Variants in BFSP2 observed in about 807,000 individuals in gnomAD.
BFSP2 encodes phakinin.
Under a neutral mutation model 44.9 loss-of-function variants are expected in BFSP2, and 38 were observed. The observed-to-expected ratio is 0.85, with a 90% confidence interval of 0.65 to 1.11. The LOEUF is 1.11. Among genes scored for constraint, BFSP2 ranks in the 50% least tolerant of loss-of-function variants. The pLI, the probability that BFSP2 is intolerant of heterozygous loss-of-function variation, is 0.00. For synonymous variants in BFSP2, 197 were observed against 209.9 expected, an observed-to-expected ratio of 0.94 and a Z score of 0.53; for missense variants, 525 against 533.0, an observed-to-expected ratio of 0.99 and a Z score of 0.15.
chr3:133,460,006 G>A (rs1387657406), intron 4 of BFSP2, among the ~76,000 whole-genome samples: 2 of 152,172 alleles, frequency 1.3e-5, no homozygotes, highest in Non-Finnish European at 2.9e-5. Context: ...AAGGGGCAGA[G>A]GGGTGAGTAA....
chr3:133,431,481 C>T (rs1439288929), intron 1 of BFSP2, among the ~76,000 whole-genome samples: 3 of 152,114 alleles, frequency 2.0e-5, no homozygotes, highest in Non-Finnish European at 2.9e-5. Context: ...CCCATCTGTG[C>T]GGGACCCCAC....
intron 1 of BFSP2, among the ~76,000 whole-genome samples, chr3:133,429,997 C>T (rs1043405384): frequency 2.0e-5 from 3 of 150,440 alleles, no homozygotes; most frequent in Non-Finnish European, 4.4e-5. Flanking sequence ...TGAGTGAGAA[C>T]ATGCGGTGTT....
intron 4 of BFSP2, among the ~76,000 whole-genome samples, chr3:133,464,330 C>A (rs1288348253): frequency 2.0e-5 from 3 of 152,214 alleles, no homozygotes; most frequent in African/African-American, 7.2e-5. Context: ...CTGGAATCCT[C>A]TTTCTGTCTC....
intron 1 of BFSP2, among the ~76,000 whole-genome samples, chr3:133,416,471 A>G (rs1248092964): frequency 8.9e-6 from 1 of 112,914 alleles, no homozygotes; most frequent in Non-Finnish European, 1.8e-5. Flanking sequence ...TCTCCCATCT[A>G]CTCACCACTC....
At chr3:133,473,515 T>C (rs1282463577) in intron 6 of BFSP2, among the ~76,000 whole-genome samples, 1 of 150,700 alleles carries the variant, frequency 6.6e-6, no homozygotes, top group Non-Finnish European at 1.5e-5. Flanking sequence ...GAGGGGGATT[T>C]GGCAGGGTCA....
intron 6 of BFSP2, among the ~76,000 whole-genome samples, chr3:133,474,236 A>G (rs978012677): frequency 8.5e-5 from 13 of 152,282 alleles, no homozygotes; most frequent in African/African-American, 3.1e-4. Flanking sequence ...TGTCTGACAT[A>G]TGTTGAATAA....
chr3:133,471,660 T>C (rs756193651), intron 5 of BFSP2, among the ~76,000 whole-genome samples: 23 of 152,102 alleles, frequency 1.5e-4, no homozygotes, highest in Non-Finnish European at 2.8e-4. Flanking sequence ...ATCATGAGTA[T>C]GATGGAGACC....
rs148821449 is a variant in BFSP2, at chr3:133,419,323, T to C, written c.489+18751T>C. On this transcript the variant is annotated intron_variant, in intron 1 of 6. Transcript: ENST00000302334. Reference sequence around the variant, plus strand: ...AGGAAGGACACGATTCAGCCCGTAATACCCATTTTACAGATAAAGAAACTG... The same window carrying C: ...AGGAAGGACACGATTCAGCCCGTAACACCCATTTTACAGATAAAGAAACTG... 7.4e-4 allele frequency among the ~76,000 whole-genome samples: 112 copies of C among 152,324 alleles called. No individual in the cohort carries two copies. The East Asian group carries it at 0.011, about 14-fold the overall frequency.
Position 133,446,593 on chromosome 3 carries a change from T to C in BFSP2, c.490-724T>C, listed in dbSNP as rs2073901330. Among the ~76,000 whole-genome samples the C allele has an allele frequency of 3.4e-4, 8 of 23,650 alleles. 1 individual carries two copies. Among genetic ancestry groups the C allele is most frequent in the African/African-American group, 1.4e-3 (7 of 5,030 alleles). The allele number at this position is 23,650 out of a possible 152,430, so 15.5% of individuals were successfully genotyped here. A position where few individuals can be genotyped will look rare whatever the true frequency, so the allele number is the denominator to read the frequency against. On this transcript the variant is annotated intron_variant, in intron 1 of 6. Transcript: ENST00000302334. Reference sequence around the variant, plus strand: ...ATTTATATATATATATATATATATATATATATATATATATATATATATATA... The same window carrying C: ...ATTTATATATATATATATATATATACATATATATATATATATATATATATA...
chr3:133,451,014 G>T (rs2073959377), intron 4 of BFSP2, among the ~76,000 whole-genome samples: 1 of 151,646 alleles, frequency 6.6e-6, no homozygotes, highest in African/African-American at 2.4e-5. Context: ...GGGAGGCTGA[G>T]GCAGGAGAAT....
chr3:133,405,416 G>A (rs2073395955), intron 1 of BFSP2, among the ~76,000 whole-genome samples: 1 of 152,146 alleles, frequency 6.6e-6, no homozygotes, highest in Non-Finnish European at 1.5e-5. Context: ...CACAGAGACA[G>A]CCCATACTCA....
intron 3 of BFSP2, 25 bp from the exon 4 acceptor site, chr3:133,450,278 C>T: frequency 1.2e-6 from 2 of 1,613,796 alleles, no homozygotes; most frequent in Non-Finnish European, 1.7e-6. Flanking sequence ...CGTAACTCAT[C>T]TAAGATGTAT....
intron 1 of BFSP2, among the ~76,000 whole-genome samples, chr3:133,426,668 C>G (rs1174268239): frequency 1.3e-5 from 2 of 152,192 alleles, no homozygotes; most frequent in African/African-American, 4.8e-5. Context: ...TTTCCAAGAG[C>G]TCTTCACATT....
At chr3:133,450,557 C>T in intron 4 of BFSP2, 93 bp downstream of exon 4, 2 of 1,466,772 alleles carry the variant, frequency 1.4e-6, no homozygotes, top group Admixed American at 3.4e-5. Context: ...GAAGAAATAA[C>T]AACGGTTTAG....
intron 1 of BFSP2, among the ~76,000 whole-genome samples, chr3:133,431,492 T>C (rs1050888077): frequency 4.4e-4 from 67 of 152,098 alleles, no homozygotes; most frequent in African/African-American, 1.6e-3. Flanking sequence ...GGGACCCCAC[T>C]GGAAATCGGA....
rs964069257 is a variant in BFSP2, at chr3:133,439,966, T to G, written c.490-7351T>G. Among the ~76,000 whole-genome samples the G allele has an allele frequency of 1.5e-4, 23 of 151,014 alleles. 4 individuals carry two copies. Among genetic ancestry groups the G allele is most frequent in the Admixed American group, 1.5e-3 (22 of 15,158 alleles). Reference sequence around the variant, plus strand: ...AGAGAAAGCAATGTCACAGAGGGAGTATAAGTCCATTTTCCTACTGCTGTG... The same window carrying G: ...AGAGAAAGCAATGTCACAGAGGGAGGATAAGTCCATTTTCCTACTGCTGTG... On this transcript the variant is annotated intron_variant, in intron 1 of 6. Transcript: ENST00000302334.
intron 3 of BFSP2, 181 bp downstream of exon 3, chr3:133,448,826 CA>C (rs1163855491): frequency 5.4e-6 from 4 of 746,032 alleles, no homozygotes; most frequent in Non-Finnish European, 8.7e-6. Context: ...GTTACCCCAG[CA>C]GTCTCAAACT....
intron 5 of BFSP2, among the ~76,000 whole-genome samples, chr3:133,467,381 CTA>C (rs906411041): frequency 3.9e-5 from 6 of 152,226 alleles, no homozygotes; most frequent in African/African-American, 1.4e-4. Context: ...TAGCTCCATG[CTA>C]TAGAGCTCTC....
chr3:133,454,977 C>A (rs1038342460), intron 4 of BFSP2, among the ~76,000 whole-genome samples: 5 of 152,132 alleles, frequency 3.3e-5, no homozygotes, highest in African/African-American at 1.2e-4. Context: ...TCGTCAATAT[C>A]ACTGTCTTCC....
Sources: gnomAD v4.1 joint callset for allele counts (sites outside exome capture counted in the v4.1 genomes callset) on GRCh38, gnomAD v4.1.1 for gene constraint, MANE v1.5 for transcripts, NCBI Gene and HGNC (gene_info 2026-07-23, HGNC 2026-07-21) for gene names.